ARSF: variants seen among roughly 807,000 people sequenced by gnomAD.
ARSF encodes arylsulfatase F.
A neutral mutation model predicts 35.4 loss-of-function variants in ARSF; 33 were observed. That is an observed-to-expected ratio of 0.93 (90% CI 0.71 to 1.25). The LOEUF is 1.25. Among genes scored for constraint, ARSF ranks in the 50% most tolerant of loss-of-function variants. The probability of loss-of-function intolerance (pLI) is 0.00; values close to 1 mark genes in which losing one functional copy is unlikely to be tolerated. For missense variants in ARSF, 501 were observed against 480.2 expected (o/e 1.04, Z -0.40); for synonymous variants, 222 against 193.1 (o/e 1.15, Z -1.24).
intron 9 of ARSF, among the ~76,000 whole-genome samples, chrX:3,109,260 G>A (rs1237465712): frequency 1.9e-5 from 2 of 107,599 alleles, no homozygotes; most frequent in Middle Eastern, 4.8e-3. Context: ...CAGAGGTTGC[G>A]GTGAGCAGAG....
chrX:3,052,598 G>T (rs1442344303), intron 1 of ARSF, among the ~76,000 whole-genome samples: 2 of 109,427 alleles, frequency 1.8e-5, no homozygotes, highest in Admixed American at 9.9e-5. Context: ...GGAGGCTGAG[G>T]CAGGAGGATC....
chrX:3,061,399 G>A (rs1466762184), intron 1 of ARSF, among the ~76,000 whole-genome samples: 25 of 111,184 alleles, frequency 2.2e-4, no homozygotes, highest in African/African-American at 8.2e-4. Context: ...ATCAACTAAC[G>A]AGCAAAATAA....
chrX:3,068,166 G>C (rs2090079572), intron 2 of ARSF, 55 bp downstream of exon 2: 2 of 1,095,008 alleles, frequency 1.8e-6, no homozygotes, highest in Non-Finnish European at 2.5e-6. Flanking sequence ...GTATAATTCT[G>C]TGTATTTGTG....
intron 1 of ARSF, among the ~76,000 whole-genome samples, chrX:3,053,454 G>A (rs1386271912): frequency 3.7e-5 from 4 of 107,457 alleles, no homozygotes; most frequent in African/African-American, 6.8e-5. Context: ...TCAGCCTCCC[G>A]AGTAGCTGGG....
At chrX:3,095,986 A>G (rs757629555) in intron 7 of ARSF, among the ~76,000 whole-genome samples, 22 of 108,343 alleles carry the variant, frequency 2.0e-4, no homozygotes, top group Non-Finnish European at 3.8e-4. Context: ...TTTATTATAT[A>G]CATAAATACA....
intron 1 of ARSF, among the ~76,000 whole-genome samples, chrX:3,046,384 G>A (rs2089975715): frequency 9.0e-6 from 1 of 111,220 alleles, no homozygotes; most frequent in Non-Finnish European, 1.9e-5. Context: ...ATGATTTGGG[G>A]GCTCCTTTTT....
chrX:3,072,279 C>CTT (rs201026706), intron 3 of ARSF, 104 bp downstream of exon 3: 1 of 849,450 alleles, frequency 1.2e-6, no homozygotes, highest in African/African-American at 2.1e-5. Context: ...TTTGTTGGGA[C>CTT]TTTTTTTTAA....
rs766295783 is a variant in ARSF at position 3,080,265 on chromosome X, G to A, written c.284-626G>A. On this transcript the variant is annotated intron_variant, in intron 4 of 10. Coordinates refer to ENST00000381127, the MANE Select transcript of ARSF (RefSeq NM_001201539.2). ...CCAAGGCGGGCAGATCATGAGGTCC[G>A]GAGATGCAGACCATCCTGGCCAACA... 8.3e-3 allele frequency among the ~76,000 whole-genome samples: 194 copies of A among 23,512 alleles called. 1 individual carries two copies. Among genetic ancestry groups the A allele is most frequent in the African/African-American group, 0.023 (149 of 6,358 alleles). The allele number at this position is 23,512 out of a possible 115,157, so 20.4% of individuals were successfully genotyped here.
intron 4 of ARSF, among the ~76,000 whole-genome samples, chrX:3,078,833 G>A (rs2090173534): frequency 9.0e-6 from 1 of 111,110 alleles, no homozygotes; most frequent in African/African-American, 3.3e-5. Flanking sequence ...CTATTCAGTA[G>A]CATGTAGCTC....
At chrX:3,069,359 T>C (rs990530117) in intron 2 of ARSF, among the ~76,000 whole-genome samples, 38 of 111,619 alleles carry the variant, frequency 3.4e-4, no homozygotes, top group African/African-American at 1.2e-3. Flanking sequence ...GGTCTCGTCC[T>C]GTAGCCCAGG....
chrX:3,072,096 G>A lies in ARSF; in HGVS notation c.82G>A (p.Asp28Asn), dbSNP rs1228335088. Residue 28 changes from aspartate to asparagine, a missense_variant, in exon 3 of 11, where the codon GAC becomes AAC. Transcript: ENST00000381127. ...ATGCCAGGCACACAGGGTGCATGAC[G>A]ACAAGCCTAATATTGTCCTAATCAT... Reference protein sequence around the residue: ...NTCQAHRVHDDKPNIVLIMVD... With the variant: ...NTCQAHRVHDNKPNIVLIMVD... 3 of 1,200,850 alleles carry A rather than the reference G, an allele frequency of 2.5e-6. No individual in the cohort carries two copies. The highest frequency in any genetic ancestry group is 4.5e-5 in the Admixed American group (2 of 44,610).
rs753420813 is a variant in ARSF at position 3,084,464 on chromosome X, G to A, written c.628G>A (p.Gly210Ser). The A allele has an allele frequency of 6.1e-5, 74 of 1,209,244 alleles. No individual in the cohort carries two copies. The highest frequency in any genetic ancestry group is 7.8e-5 in the Non-Finnish European group (70 of 895,149). Residue 210 changes from glycine to serine, a missense_variant, in exon 6 of 11, where the codon GGC becomes AGC. Physicochemically the swap from Gly to Ser is moderately conservative, Grantham distance 56 (BLOSUM62 0). Transcript: ENST00000381127. The stretch of plus-strand genomic sequence containing the variant: ...CACCCTAACCTTTGGGAAGCTGAGC[G>A]GCTGGGTCTCTGTTCCCTGGCTCCT... ...ILTLTFGKLS[G>S]WVSVPWLLIF...
intron 7 of ARSF, among the ~76,000 whole-genome samples, chrX:3,092,623 C>G (rs1412372949): frequency 8.9e-6 from 1 of 111,966 alleles, no homozygotes; most frequent in Non-Finnish European, 1.9e-5. Flanking sequence ...AAAAGCGCAA[C>G]TGAGATGTAC....
intron 2 of ARSF, among the ~76,000 whole-genome samples, chrX:3,071,091 A>G (rs1036214145): frequency 1.8e-5 from 2 of 110,821 alleles, no homozygotes; most frequent in Non-Finnish European, 3.8e-5. Context: ...CGCTCCAAGC[A>G]CCAAGCACTG....
intron 1 of ARSF, among the ~76,000 whole-genome samples, chrX:3,067,527 T>C (rs1045507573): frequency 2.7e-5 from 3 of 111,345 alleles, no homozygotes; most frequent in Non-Finnish European, 5.6e-5. Context: ...GACAATGCTC[T>C]TGGGCCAGCA....
chrX:3,067,358 C>T (rs1405649301), intron 1 of ARSF, among the ~76,000 whole-genome samples: 1 of 111,198 alleles, frequency 9.0e-6, no homozygotes, highest in Non-Finnish European at 1.9e-5. Context: ...TAGTCCTAAC[C>T]CCTCTGCCAC....
intron 8 of ARSF, among the ~76,000 whole-genome samples, chrX:3,102,591 G>C: frequency 8.9e-6 from 1 of 112,269 alleles, no homozygotes; most frequent in African/African-American, 3.2e-5. Flanking sequence ...ATAAGCATGC[G>C]TGCGCATGTT....
intron 1 of ARSF, among the ~76,000 whole-genome samples, chrX:3,051,979 C>T (rs1216232736): frequency 2.7e-5 from 3 of 110,426 alleles, no homozygotes; most frequent in Admixed American, 1.9e-4. Context: ...GGCAACCAAG[C>T]GAGATGCTGT....
chrX:3,073,273 A>G (rs181520425), intron 3 of ARSF, among the ~76,000 whole-genome samples: 6,467 of 100,540 alleles, frequency 0.064, 210 homozygotes, highest in Non-Finnish European at 0.099. Context: ...AATAGGCTGT[A>G]TGATAGAGGG....
Sources: gnomAD v4.1 joint callset for allele counts (sites outside exome capture counted in the v4.1 genomes callset) on GRCh38, gnomAD v4.1.1 for gene constraint, MANE v1.5 for transcripts, NCBI Gene and HGNC (gene_info 2026-07-23, HGNC 2026-07-21) for gene names.